The following FHIT variants were observed in gnomAD, a reference collection of about 807,000 sequenced individuals.
FHIT encodes bis(5'-adenosyl)-triphosphatase.
A neutral mutation model predicts 17.9 loss-of-function variants in FHIT; 19 were observed. That is an observed-to-expected ratio of 1.06 (90% CI 0.74 to 1.56). The LOEUF (loss-of-function observed/expected upper bound fraction) is 1.56, where lower values mean the gene tolerates loss of function less well. Among genes scored for constraint, FHIT ranks in the 40% most tolerant of loss-of-function variants. FHIT has a pLI of 0.00. For missense variants in FHIT, 248 were observed against 189.2 expected (o/e 1.31, Z -1.82); for synonymous variants, 81 against 69.7 (o/e 1.16, Z -0.81).
intron 2 of FHIT, among the ~76,000 whole-genome samples, chr3:61,162,750 T>G (rs1043811509): frequency 6.6e-6 from 1 of 152,210 alleles, no homozygotes; most frequent in Non-Finnish European, 1.5e-5. Context: ...AAATAATTCT[T>G]GCCTATAGGC....
chr3:60,816,121 G>A (rs963780200), intron 4 of FHIT, among the ~76,000 whole-genome samples: 3 of 151,916 alleles, frequency 2.0e-5, no homozygotes, highest in Non-Finnish European at 4.4e-5. Flanking sequence ...AGTTGTTTCT[G>A]AGTTCTAGGA....
intron 5 of FHIT, among the ~76,000 whole-genome samples, chr3:60,086,162 G>T (rs751400947): frequency 6.6e-6 from 1 of 151,992 alleles, no homozygotes; most frequent in African/African-American, 2.4e-5. Context: ...AAGGGTGGGG[G>T]GATGCCAGGC....
At chr3:60,665,175 G>A (rs1371055461) in intron 4 of FHIT, among the ~76,000 whole-genome samples, 7 of 151,874 alleles carry the variant, frequency 4.6e-5, no homozygotes, top group South Asian at 4.1e-4. Flanking sequence ...AATTTGCTAA[G>A]CATTTTTTAT....
intron 5 of FHIT, among the ~76,000 whole-genome samples, chr3:60,293,662 A>T (rs1248060827): frequency 6.6e-6 from 1 of 152,148 alleles, no homozygotes; most frequent in Admixed American, 6.6e-5. Flanking sequence ...ATGCCATAAA[A>T]AGTATCCTGA....
Position 60,549,760 on chromosome 3 carries a change from G to A in FHIT, c.-17-12781C>T, listed in dbSNP as rs542574938. On this transcript the variant is annotated intron_variant, in intron 4 of 9. Transcript: ENST00000492590. ...AAATTAATGTCTCCTAGGCAACCAG[G>A]AAGTCAGACACAATGAAAAAGAAAC... Among the ~76,000 whole-genome samples, 7 of 152,254 alleles carry A rather than the reference G, an allele frequency of 4.6e-5. No individual in the cohort carries two copies. The South Asian group carries it at 1.4e-3, about 32-fold the overall frequency.
Position 60,628,757 on chromosome 3 carries a change from T to G in FHIT, c.-17-91778A>C, listed in dbSNP as rs57388007. Among the ~76,000 whole-genome samples, 204 of 152,304 alleles carry G rather than the reference T, an allele frequency of 1.3e-3. 1 individual carries two copies. Among genetic ancestry groups the G allele is most frequent in the African/African-American group, 4.8e-3 (198 of 41,562 alleles). ...TATTGCTTTGGACAATGACCTTAGT[T>G]AGGCTTGACATTCCCCCCACTGTTT... On this transcript the variant is annotated intron_variant, in intron 4 of 9. Transcript: ENST00000492590.
intron 3 of FHIT, among the ~76,000 whole-genome samples, chr3:61,000,184 G>A (rs1575818465): frequency 6.6e-6 from 1 of 152,174 alleles, no homozygotes; most frequent in Non-Finnish European, 1.5e-5. Flanking sequence ...CCTCATGAAG[G>A]AGGTATGCCT....
At chr3:60,524,221 C>G (rs1253465813) in intron 5 of FHIT, among the ~76,000 whole-genome samples, 4 of 92,244 alleles carry the variant, frequency 4.3e-5, no homozygotes, top group East Asian at 5.6e-4. Flanking sequence ...CACACACACA[C>G]ACACACACAC....
chr3:60,961,466 G>A (rs1174282099), intron 3 of FHIT, among the ~76,000 whole-genome samples: 1 of 152,054 alleles, frequency 6.6e-6, no homozygotes, highest in Non-Finnish European at 1.5e-5. Context: ...GGCTTTTGTT[G>A]CCATTGCTTT....
chr3:59,930,277 T>C (rs900336498), intron 7 of FHIT, among the ~76,000 whole-genome samples: 1 of 152,130 alleles, frequency 6.6e-6, no homozygotes, highest in African/African-American at 2.4e-5. Context: ...TAGGATGCAT[T>C]GCAGCCATGG....
chr3:61,201,177 A>G lies in FHIT; in HGVS notation c.-212-512T>C, dbSNP rs139598713. 3.7e-3 allele frequency among the ~76,000 whole-genome samples: 569 copies of G among 152,340 alleles called. 3 individuals carry two copies. The highest frequency in any genetic ancestry group is 0.013 in the African/African-American group (544 of 41,582). On this transcript the variant is annotated intron_variant, in intron 1 of 9. Coordinates refer to ENST00000492590, the MANE Select transcript of FHIT (RefSeq NM_002012.4). ...TATATGTGTGCATGATTACAGGGAC[A>G]ATCACCCTTCCTGTATGTAGACTGC...
At chr3:60,852,378 C>T (rs1553748678) in intron 3 of FHIT, among the ~76,000 whole-genome samples, 1 of 152,084 alleles carries the variant, frequency 6.6e-6, no homozygotes, top group Admixed American at 6.6e-5. Flanking sequence ...TAATAAATCT[C>T]TTTCTATACA....
intron 5 of FHIT, among the ~76,000 whole-genome samples, chr3:60,124,423 T>G (rs1311297630): frequency 6.6e-6 from 1 of 152,106 alleles, no homozygotes; most frequent in East Asian, 1.9e-4. Flanking sequence ...TTCCCTGATG[T>G]TTGTGTCTTT....
intron 3 of FHIT, among the ~76,000 whole-genome samples, chr3:60,834,088 A>C (rs1440870856): frequency 2.0e-5 from 3 of 152,196 alleles, no homozygotes; most frequent in Admixed American, 2.0e-4. Flanking sequence ...AAGCTCTATG[A>C]AAATTCATGT....
At chr3:60,950,659 G>A (rs979164503) in intron 3 of FHIT, among the ~76,000 whole-genome samples, 1 of 151,628 alleles carries the variant, frequency 6.6e-6, no homozygotes, top group Non-Finnish European at 1.5e-5. Flanking sequence ...TGGGATTACA[G>A]GCACGCACCA....
At chr3:59,870,980 A>C (rs979164216) in intron 8 of FHIT, among the ~76,000 whole-genome samples, 3 of 152,060 alleles carry the variant, frequency 2.0e-5, no homozygotes, top group Non-Finnish European at 4.4e-5. Flanking sequence ...TTGCCACACA[A>C]GTCTGATCAC....
chr3:60,306,652 G>A (rs1028534835), intron 5 of FHIT, among the ~76,000 whole-genome samples: 2 of 152,098 alleles, frequency 1.3e-5, no homozygotes, highest in East Asian at 1.9e-4. Flanking sequence ...GACAATACAC[G>A]TGCAAAATTA....
chr3:60,939,484 A>AGAATGTG (rs1708322563), intron 3 of FHIT, among the ~76,000 whole-genome samples: 1 of 152,168 alleles, frequency 6.6e-6, no homozygotes, highest in Admixed American at 6.5e-5. Flanking sequence ...GAATCCAGAC[A>AGAATGTG]TCCATTCAAC....
chr3:60,563,123 T>C (rs1437198166), intron 4 of FHIT, among the ~76,000 whole-genome samples: 1 of 152,074 alleles, frequency 6.6e-6, no homozygotes, highest in African/African-American at 2.4e-5. Flanking sequence ...GAGTGGACAA[T>C]AGCCAAGCAA....
Sources: gnomAD v4.1 joint callset for allele counts (sites outside exome capture counted in the v4.1 genomes callset) on GRCh38, gnomAD v4.1.1 for gene constraint, MANE v1.5 for transcripts, NCBI Gene and HGNC (gene_info 2026-07-23, HGNC 2026-07-21) for gene names.